The following DMD variants were observed in gnomAD, a reference collection of about 807,000 sequenced individuals.
The protein encoded by DMD is dystrophin, also known as mutant dystrophin.
DMD carries 63 observed loss-of-function variants against 330.1 expected under a neutral mutation model. The ratio of observed to expected loss-of-function variants is 0.19; its 90% CI spans 0.16 to 0.24. DMD has a LOEUF of 0.24. Among genes scored for constraint, DMD ranks in the 10% least tolerant of loss-of-function variants. DMD has a pLI of 1.00. For missense variants in DMD, 3,344 were observed against 2,684.1 expected (o/e 1.25, Z -5.43); for synonymous variants, 1,223 against 959.8 (o/e 1.27, Z -5.07).
intron 43 of DMD, among the ~76,000 whole-genome samples, chrX:32,267,777 C>T (rs886631909): frequency 8.9e-6 from 1 of 111,973 alleles, no homozygotes; most frequent in African/African-American, 3.2e-5. Context: ...TATTTTATGT[C>T]GTTCAAGAAA....
intron 55 of DMD, among the ~76,000 whole-genome samples, chrX:31,553,366 A>AT (rs1485623637): frequency 1.8e-5 from 2 of 112,000 alleles, no homozygotes; most frequent in African/African-American, 3.3e-5. Flanking sequence ...CTTATATACC[A>AT]TGCAGTCTTG....
intron 30 of DMD, among the ~76,000 whole-genome samples, chrX:32,404,495 A>G (rs2098106328): frequency 9.0e-6 from 1 of 111,630 alleles, no homozygotes; most frequent in Non-Finnish European, 1.9e-5. Flanking sequence ...GAAAAAACAA[A>G]TAGAACAGTA....
chrX:31,570,061 G>A (rs911909282), intron 55 of DMD, among the ~76,000 whole-genome samples: 2 of 110,884 alleles, frequency 1.8e-5, no homozygotes, highest in Non-Finnish European at 1.9e-5. Context: ...TCATTTTTCT[G>A]TTTCAGGATC....
chrX:31,600,685 G>A, intron 55 of DMD, among the ~76,000 whole-genome samples: 1 of 108,574 alleles, frequency 9.2e-6, no homozygotes, highest in Non-Finnish European at 1.9e-5. Flanking sequence ...AGAAGGGAGA[G>A]TCTTGGGTCA....
intron 2 of DMD, among the ~76,000 whole-genome samples, chrX:33,010,508 TG>T (rs2093682306): frequency 9.1e-6 from 1 of 110,431 alleles, no homozygotes; most frequent in Non-Finnish European, 1.9e-5. Flanking sequence ...TGGAGCATTC[TG>T]GATTTCAGAT....
At chrX:32,403,442 A>C (rs900413232) in intron 30 of DMD, among the ~76,000 whole-genome samples, 2 of 111,796 alleles carry the variant, frequency 1.8e-5, no homozygotes, top group African/African-American at 6.5e-5. Flanking sequence ...AAAGCATACT[A>C]TAGTTTAATT....
chrX:31,239,273 C>G (rs935711133), intron 63 of DMD, among the ~76,000 whole-genome samples: 27 of 112,083 alleles, frequency 2.4e-4, no homozygotes, highest in African/African-American at 8.8e-4. Context: ...ACTGGGCAAC[C>G]AGGAATTAAA....
chrX:32,904,714 C>T (rs2086587249), intron 2 of DMD, among the ~76,000 whole-genome samples: 1 of 111,925 alleles, frequency 8.9e-6, no homozygotes, highest in Non-Finnish European at 1.9e-5. Context: ...GCTGGGATTA[C>T]AGGCATCCAC....
At chrX:33,012,719 G>A (rs1016124468) in intron 2 of DMD, among the ~76,000 whole-genome samples, 23 of 111,132 alleles carry the variant, frequency 2.1e-4, no homozygotes, top group African/African-American at 7.5e-4. Context: ...AGGTTTGTGT[G>A]AAATGATTTT....
rs187166613 is a variant in DMD at position 33,157,090 on chromosome X, G to A, written c.31+54192C>T. The stretch of plus-strand genomic sequence containing the variant: ...AGTTTCCTGCGGCTGCTGTTAAAAA[G>A]TACTACAAACTGGGTAGGGTTTGTA... On this transcript the variant is annotated intron_variant, in intron 1 of 78. Transcript: ENST00000357033. Among the ~76,000 whole-genome samples the A allele has an allele frequency of 3.1e-3, 346 of 111,776 alleles. 1 individual carries two copies. The highest frequency in any genetic ancestry group is 0.01 in the African/African-American group (320 of 30,754).
chrX:33,036,268 A>G (rs2094202264), intron 1 of DMD, among the ~76,000 whole-genome samples: 1 of 111,951 alleles, frequency 8.9e-6, no homozygotes, highest in Non-Finnish European at 1.9e-5. Flanking sequence ...TAAAAGCTTT[A>G]GGATTTAAAG....
intron 16 of DMD, among the ~76,000 whole-genome samples, chrX:32,546,945 G>GT: frequency 8.9e-6 from 1 of 111,853 alleles, no homozygotes; most frequent in African/African-American, 3.2e-5. Flanking sequence ...AGAAAATGTA[G>GT]TTTTTAGTAG....
chrX:32,186,854 AAAG>A (rs1233055552), intron 44 of DMD, among the ~76,000 whole-genome samples: 3 of 111,066 alleles, frequency 2.7e-5, no homozygotes, highest in African/African-American at 9.8e-5. Flanking sequence ...GGAAGAGAGT[AAAG>A]AAGATTCATT....
chrX:31,172,302 A>T, intron 73 of DMD, 46 bp downstream of exon 73: 1 of 950,781 alleles, frequency 1.1e-6, no homozygotes, highest in Non-Finnish European at 1.5e-6. Flanking sequence ...CCCTCAAAGC[A>T]ATTTCATTGT....
intron 43 of DMD, among the ~76,000 whole-genome samples, chrX:32,243,022 A>G (rs1338961009): frequency 9.2e-6 from 1 of 108,378 alleles, no homozygotes; most frequent in African/African-American, 3.3e-5. Flanking sequence ...AAAGGAAAGC[A>G]GAAGTAAAGA....
In DMD at chrX:33,211,265, A is replaced by G. The variant is rs750360585; in HGVS notation, c.31+17T>C. 2.5e-6 allele frequency: 3 copies of G among 1,206,441 alleles called. No individual in the cohort carries two copies. In the South Asian group the frequency reaches 5.3e-5, roughly 21 times the overall value. ...TTATGCCACAGTAAAATATATTTTT[A>G]GTTACTTTGTACTTACAACAGTCCT... On this transcript the variant is annotated intron_variant, in intron 1 of 78. Transcript: ENST00000357033.
At chrX:32,164,174 C>CA (rs758763234) in intron 44 of DMD, among the ~76,000 whole-genome samples, 1 of 111,279 alleles carries the variant, frequency 9.0e-6, no homozygotes, top group Non-Finnish European at 1.9e-5. Flanking sequence ...GAGTTAAGAC[C>CA]AGTGGTACTG....
chrX:31,556,977 A>AG (rs1303293741), intron 55 of DMD, among the ~76,000 whole-genome samples: 2 of 112,331 alleles, frequency 1.8e-5, no homozygotes. Context: ...TAGATACTGC[A>AG]GGGGGCTACG....
At chrX:32,312,822 T>C (rs1373920984) in intron 41 of DMD, among the ~76,000 whole-genome samples, 1 of 103,963 alleles carries the variant, frequency 9.6e-6, no homozygotes, top group East Asian at 3.0e-4. Flanking sequence ...CTAGAAAATC[T>C]AGAAAAAATG....
Sources: gnomAD v4.1 joint callset for allele counts (sites outside exome capture counted in the v4.1 genomes callset) on GRCh38, gnomAD v4.1.1 for gene constraint, MANE v1.5 for transcripts, NCBI Gene and HGNC (gene_info 2026-07-23, HGNC 2026-07-21) for gene names.